The following ADCY5 variants were observed in gnomAD, a reference collection of about 807,000 sequenced individuals.
The protein encoded by ADCY5 is adenylate cyclase type 5.
Under a neutral mutation model 119.7 loss-of-function variants are expected in ADCY5, and 30 were observed. That is an observed-to-expected ratio of 0.25 (90% CI 0.19 to 0.34). The LOEUF is 0.34. ADCY5 is among the 10% of genes least tolerant of loss of function. ADCY5 has a pLI of 1.00. For missense variants in ADCY5, 1,324 were observed against 1,775.2 expected (o/e 0.75, Z 4.57); for synonymous variants, 753 against 762.2 (o/e 0.99, Z 0.20).
intron 3 of ADCY5, among the ~76,000 whole-genome samples, chr3:123,341,536 A>G (rs1201868806): frequency 6.6e-6 from 1 of 152,016 alleles, no homozygotes; most frequent in Non-Finnish European, 1.5e-5. Context: ...GAAAATAAAA[A>G]AAGTTCCAGA....
chr3:123,385,552 G>T (rs1454818780), intron 1 of ADCY5, among the ~76,000 whole-genome samples: 1 of 152,138 alleles, frequency 6.6e-6, no homozygotes, highest in Non-Finnish European at 1.5e-5. Context: ...TACAGGGTGG[G>T]AGAGGAAACC....
chr3:123,286,089 T>C lies in ADCY5; in HGVS notation c.3657+596A>G, dbSNP rs1408061023. ...GAGGACTACTGCCCAGGGCGGTGCC[T>C]CTGCCATCAGACTGCAGCAGAGAAT... On this transcript the variant is annotated intron_variant, in intron 20 of 20. Coordinates refer to ENST00000462833, the MANE Select transcript of ADCY5 (RefSeq NM_183357.3). This position sits in a 1 kb window ranked among gnomAD's most constrained non-coding sequence, Gnocchi z 4.2. Among the ~76,000 whole-genome samples, 1 of 152,154 alleles carries C rather than the reference T, an allele frequency of 6.6e-6. No individual in the cohort carries two copies. The highest frequency in any genetic ancestry group is 1.9e-4 in the East Asian group (1 of 5,180).
intron 1 of ADCY5, among the ~76,000 whole-genome samples, chr3:123,424,294 C>A (rs78128600): frequency 0.02 from 3,050 of 152,348 alleles, 114 homozygotes; most frequent in African/African-American, 0.068. Flanking sequence ...CCCAAGCCTG[C>A]TCCTTTCATG....
intron 16 of ADCY5, among the ~76,000 whole-genome samples, chr3:123,296,638 T>C (rs1452643725): frequency 6.6e-6 from 1 of 152,216 alleles, no homozygotes; most frequent in Non-Finnish European, 1.5e-5. Flanking sequence ...CTTGGGCAAG[T>C]GTCTTAATCT....
intron 12 of ADCY5, among the ~76,000 whole-genome samples, chr3:123,308,688 G>C (rs1449279372): frequency 6.6e-6 from 1 of 152,104 alleles, no homozygotes; most frequent in African/African-American, 2.4e-5. Context: ...AATTAGCCGG[G>C]CTTGGTGGCA....
At chr3:123,383,224 T>C (rs1673459905) in intron 1 of ADCY5, among the ~76,000 whole-genome samples, 1 of 152,164 alleles carries the variant, frequency 6.6e-6, no homozygotes, top group Non-Finnish European at 1.5e-5. Context: ...TTTGGAAATC[T>C]GAGCCCTGCT....
chr3:123,332,591 G>C lies in ADCY5; in HGVS notation c.1491C>G (p.Leu497=). The C allele has an allele frequency of 6.2e-7, 1 of 1,613,712 alleles. No individual in the cohort carries two copies. Among genetic ancestry groups the C allele is most frequent in the Non-Finnish European group, 8.5e-7 (1 of 1,179,842 alleles). Residue 497 remains leucine (L), a synonymous_variant, in exon 4 of 21, where the codon CTC becomes CTG. Coordinates refer to ENST00000462833, the MANE Select transcript of ADCY5 (RefSeq NM_183357.3). ...AQELVMTLNE[L]FARFDKLAAE... is the part of the protein sequence containing the mutation. Reference sequence around the variant, plus strand: ...CGGCCAGCTTGTCAAAGCGGGCGAAGAGCTCGTTGAGGGTCATGACCAGTT... The same window carrying C: ...CGGCCAGCTTGTCAAAGCGGGCGAACAGCTCGTTGAGGGTCATGACCAGTT...
chr3:123,438,075 G>A (rs1484159841), intron 1 of ADCY5, among the ~76,000 whole-genome samples: 7 of 152,060 alleles, frequency 4.6e-5, no homozygotes, highest in Non-Finnish European at 8.8e-5. Flanking sequence ...AGATGCCTTC[G>A]GATAGGCCTG....
chr3:123,308,028 CTTTTTTT>C (rs1178147327), intron 12 of ADCY5, among the ~76,000 whole-genome samples: 7 of 85,662 alleles, frequency 8.2e-5, no homozygotes, highest in African/African-American at 2.9e-4. Flanking sequence ...TTTTCATGCT[CTTTTTTT>C]TTTTTTTTTT....
At chr3:123,291,416 G>A (rs1158253409) in intron 17 of ADCY5, 40 bp from the exon 18 acceptor site, 1 of 1,581,042 alleles carries the variant, frequency 6.3e-7, no homozygotes. Context: ...ATGCCAATGT[G>A]AGCCCAGATG....
intron 7 of ADCY5, among the ~76,000 whole-genome samples, chr3:123,326,761 G>A (rs943351252): frequency 6.6e-6 from 1 of 152,152 alleles, no homozygotes; most frequent in Non-Finnish European, 1.5e-5. Flanking sequence ...TCTGTCCCCT[G>A]GGGTACTGCA....
At chr3:123,412,254 C>T (rs765056168) in intron 1 of ADCY5, among the ~76,000 whole-genome samples, 1 of 152,214 alleles carries the variant, frequency 6.6e-6, no homozygotes, top group African/African-American at 2.4e-5. Context: ...TGTCCTACTG[C>T]AGATTCCTGC....
chr3:123,432,004 G>A (rs1199066775), intron 1 of ADCY5, among the ~76,000 whole-genome samples: 1 of 152,136 alleles, frequency 6.6e-6, no homozygotes, highest in Admixed American at 6.5e-5. Flanking sequence ...CCTGGGCACC[G>A]GGATTAGGTG....
At chr3:123,318,667 C>T (rs1941052523) in intron 10 of ADCY5, among the ~76,000 whole-genome samples, 1 of 152,228 alleles carries the variant, frequency 6.6e-6, no homozygotes, top group South Asian at 2.1e-4. Context: ...GGTCCATATA[C>T]TGCTGGTCCC....
At chr3:123,356,129 A>G (rs1269921806) in intron 1 of ADCY5, among the ~76,000 whole-genome samples, 1 of 152,208 alleles carries the variant, frequency 6.6e-6, no homozygotes, top group Non-Finnish European at 1.5e-5. Context: ...CTTACCTCAT[A>G]CTATACACAA....
chr3:123,354,751 T>C (rs1024946698), intron 1 of ADCY5, among the ~76,000 whole-genome samples: 3 of 152,118 alleles, frequency 2.0e-5, no homozygotes, highest in Non-Finnish European at 4.4e-5. Flanking sequence ...GAAAATACTA[T>C]ACAACATGAC....
chr3:123,286,596 G>C lies in ADCY5; in HGVS notation c.3657+89C>G, dbSNP rs1355251133. On this transcript the variant is annotated intron_variant, in intron 20 of 20. Coordinates refer to ENST00000462833, the MANE Select transcript of ADCY5 (RefSeq NM_183357.3). This position sits in a 1 kb window ranked among gnomAD's most constrained non-coding sequence, Gnocchi z 4.2. ...ATCTGGCTGCAGACATTCTGACTGGGAACTGTAGGTGGCCTGCCCTGAAGA... is the reference window on the plus strand; with the variant it reads ...ATCTGGCTGCAGACATTCTGACTGGCAACTGTAGGTGGCCTGCCCTGAAGA... 4.7e-6 allele frequency: 7 copies of C among 1,477,186 alleles called. No homozygotes were observed. The Admixed American group carries it at 7.1e-5, about 15-fold the overall frequency. 91.5% of individuals were successfully genotyped at this position (1,477,186 alleles called of 1,614,324 possible).
In ADCY5 at chr3:123,284,510, C is replaced by T. The variant is rs373771340; in HGVS notation, c.*98G>A. On this transcript the variant is annotated 3_prime_UTR_variant, in exon 21 of 21. Coordinates refer to ENST00000462833, the MANE Select transcript of ADCY5 (RefSeq NM_183357.3). ...GGAAAATCTCAGCAGCGCAGCCCTG[C>T]GGGCTGGAGCATGGCTTCCCCGCCA... is the stretch of plus-strand genomic sequence containing the variant. 3.0e-5 allele frequency: 46 copies of T among 1,540,402 alleles called. 1 individual carries two copies. In the African/African-American group the frequency reaches 4.1e-4, roughly 14 times the overall value.
chr3:123,357,200 C>G (rs1943068803), intron 1 of ADCY5, among the ~76,000 whole-genome samples: 1 of 150,064 alleles, frequency 6.7e-6, no homozygotes, highest in African/African-American at 2.5e-5. Context: ...GAACAATGCA[C>G]TAAAAAAGTG....
Sources: gnomAD v4.1 joint callset for allele counts (sites outside exome capture counted in the v4.1 genomes callset) on GRCh38, gnomAD v4.1.1 for gene constraint, Gnocchi (gnomAD v3.1) non-coding constraint, MANE v1.5 for transcripts, NCBI Gene and HGNC (gene_info 2026-07-23, HGNC 2026-07-21) for gene names.